EPHA6: variants seen among roughly 807,000 people sequenced by gnomAD.
EPHA6 encodes the protein ephrin type-A receptor 6.
EPHA6 carries 50 observed loss-of-function variants against 112.0 expected under a neutral mutation model. The observed-to-expected ratio is 0.45, with a 90% CI of 0.36 to 0.56. EPHA6 has a LOEUF of 0.56. Ranked by LOEUF, EPHA6 falls within the 20% of genes least tolerant of loss-of-function variation. The probability of loss-of-function intolerance (pLI) is 0.00; values close to 1 mark genes in which losing one functional copy is unlikely to be tolerated. For synonymous variants in EPHA6, 529 were observed against 490.7 expected (o/e 1.08, Z -1.03); for missense variants, 1,280 against 1,417.4 (o/e 0.90, Z 1.56).
intron 14 of EPHA6, among the ~76,000 whole-genome samples, chr3:97,670,532 T>C (rs934090486): frequency 1.3e-5 from 2 of 152,220 alleles, no homozygotes; most frequent in Non-Finnish European, 2.9e-5. Flanking sequence ...GTTGAATTTA[T>C]GCAATAGAAC....
Position 96,934,180 on chromosome 3 carries a change from G to T in EPHA6, c.451-53150G>T, listed in dbSNP as rs142105198. Among the ~76,000 whole-genome samples the T allele has an allele frequency of 7.2e-3, 1,089 of 152,002 alleles. 11 individuals are homozygous for T. The highest frequency in any genetic ancestry group is 0.025 in the African/African-American group (1,021 of 41,534). On this transcript the variant is annotated intron_variant, in intron 2 of 17. Coordinates refer to ENST00000389672, the MANE Select transcript of EPHA6 (RefSeq NM_001080448.3). Reference sequence around the variant, plus strand: ...TTACACATACTTAAGCCACAAAGAAGGGTGTTTATAAATAGAATACTTCAC... The same window carrying T: ...TTACACATACTTAAGCCACAAAGAATGGTGTTTATAAATAGAATACTTCAC...
intron 3 of EPHA6, among the ~76,000 whole-genome samples, chr3:96,992,490 G>A (rs1422708700): frequency 1.3e-5 from 2 of 152,176 alleles, no homozygotes; most frequent in African/African-American, 2.4e-5. Context: ...TAACAGAGCT[G>A]CATGTCTAAG....
intron 14 of EPHA6, among the ~76,000 whole-genome samples, chr3:97,664,833 A>G (rs2094194578): frequency 6.6e-6 from 1 of 152,118 alleles, no homozygotes; most frequent in Admixed American, 6.5e-5. Flanking sequence ...GATACAAACA[A>G]AAAGAACATT....
chr3:96,866,035 T>TA (rs900077532), intron 1 of EPHA6, among the ~76,000 whole-genome samples: 13 of 151,512 alleles, frequency 8.6e-5, no homozygotes, highest in Admixed American at 5.9e-4. Flanking sequence ...TATTCTAAAA[T>TA]AAAAAAAAAT....
intron 3 of EPHA6, among the ~76,000 whole-genome samples, chr3:97,045,813 C>T (rs909399820): frequency 6.6e-6 from 1 of 151,988 alleles, no homozygotes; most frequent in African/African-American, 2.4e-5. Context: ...ATGGTGGGTA[C>T]ATATGTAGGT....
At chr3:97,174,767 GT>G (rs1189786082) in intron 3 of EPHA6, among the ~76,000 whole-genome samples, 1 of 151,824 alleles carries the variant, frequency 6.6e-6, no homozygotes, top group Non-Finnish European at 1.5e-5. Flanking sequence ...CCATAGAGTT[GT>G]TTAAGCTCTT....
chr3:97,066,669 T>G (rs928093424), intron 3 of EPHA6, among the ~76,000 whole-genome samples: 1 of 152,296 alleles, frequency 6.6e-6, no homozygotes, highest in Admixed American at 6.5e-5. Flanking sequence ...GCAGCCTCAC[T>G]GGAGTCTTCT....
At chr3:97,424,050 A>G (rs934537865) in intron 6 of EPHA6, among the ~76,000 whole-genome samples, 4 of 152,246 alleles carry the variant, frequency 2.6e-5, no homozygotes, top group African/African-American at 7.2e-5. Context: ...AAGAGGTTTA[A>G]TGGACTCACA....
At chr3:97,005,106 G>A (rs2107919209) in intron 3 of EPHA6, among the ~76,000 whole-genome samples, 1 of 152,240 alleles carries the variant, frequency 6.6e-6, no homozygotes, top group African/African-American at 2.4e-5. Flanking sequence ...GATCTTCTTT[G>A]ATTCCATATG....
intron 5 of EPHA6, among the ~76,000 whole-genome samples, chr3:97,276,240 G>T (rs891629479): frequency 6.6e-6 from 1 of 152,196 alleles, no homozygotes; most frequent in Non-Finnish European, 1.5e-5. Context: ...GGCAGTGTCA[G>T]TCTTCAGCCT....
At chr3:96,995,253 A>G (rs1294890432) in intron 3 of EPHA6, among the ~76,000 whole-genome samples, 2 of 152,140 alleles carry the variant, frequency 1.3e-5, no homozygotes. Flanking sequence ...ATAAAGAAAT[A>G]TGAGATACCA....
At chr3:97,528,189 C>T (rs2092649403) in intron 10 of EPHA6, among the ~76,000 whole-genome samples, 1 of 152,126 alleles carries the variant, frequency 6.6e-6, no homozygotes, top group Non-Finnish European at 1.5e-5. Flanking sequence ...TACTTTGTCT[C>T]ATTTTATCAT....
intron 3 of EPHA6, among the ~76,000 whole-genome samples, chr3:97,207,672 A>C (rs1223206487): frequency 2.0e-5 from 3 of 152,196 alleles, no homozygotes; most frequent in Admixed American, 6.5e-5. Context: ...ACATGGATGA[A>C]CATGTGTAAA....
At chr3:97,745,482 G>A in intron 16 of EPHA6, 1 of 405,726 alleles carries the variant, frequency 2.5e-6, no homozygotes, top group East Asian at 7.5e-5. Context: ...AAATGCAATA[G>A]AATTGAGTAG....
chr3:97,289,157 G>A lies in EPHA6; in HGVS notation c.1606+44870G>A, dbSNP rs994372392. 5.3e-5 allele frequency among the ~76,000 whole-genome samples: 8 copies of A among 151,990 alleles called. No individual in the cohort carries two copies. The East Asian group carries it at 9.7e-4, about 18-fold the overall frequency. On this transcript the variant is annotated intron_variant, in intron 5 of 17. Transcript: ENST00000389672. ...GACTTAGTCATAATTTCTTTCCCAA[G>A]GCCAATGTCCAGAATGGCATTTCCT...
In EPHA6 at chr3:97,753,023, C is replaced by T. The variant is rs2035938425; in HGVS notation, c.*4322C>T. ...GAAGACTCCAAAAGGTAGAGGAGTA[C>T]ACTGGGTTAAATGGATGGTATTCTT... On this transcript the variant is annotated 3_prime_UTR_variant, in exon 18 of 18. Coordinates refer to ENST00000389672, the MANE Select transcript of EPHA6 (RefSeq NM_001080448.3). Among the ~76,000 whole-genome samples, 1 of 152,020 alleles carries T rather than the reference C, an allele frequency of 6.6e-6. No individual in the cohort carries two copies. The highest frequency in any genetic ancestry group is 1.5e-5 in the Non-Finnish European group (1 of 67,982).
At chr3:97,668,419 T>A (rs2030389771) in intron 14 of EPHA6, among the ~76,000 whole-genome samples, 1 of 152,150 alleles carries the variant, frequency 6.6e-6, no homozygotes, top group Non-Finnish European at 1.5e-5. Context: ...AATCCTCAGA[T>A]TCACTGCTTG....
chr3:97,684,077 C>T lies in EPHA6; in HGVS notation c.2785-36184C>T, dbSNP rs145603896. Among the ~76,000 whole-genome samples, 550 of 152,202 alleles carry T rather than the reference C, an allele frequency of 3.6e-3. 1 individual carries two copies. Among genetic ancestry groups the T allele is most frequent in the Non-Finnish European group, 4.9e-3 (330 of 68,008 alleles). On this transcript the variant is annotated intron_variant, in intron 14 of 17. Transcript: ENST00000389672. ...TGGATATTAAACAGTAACTGCTACT[C>T]CCTTTAGGTACTGCTTGTTATATAC...
chr3:97,178,836 A>T (rs548401636), intron 3 of EPHA6, among the ~76,000 whole-genome samples: 2 of 152,146 alleles, frequency 1.3e-5, no homozygotes, highest in Non-Finnish European at 1.5e-5. Flanking sequence ...CTTTGGGTTA[A>T]ATCTGCTTTG....
Sources: gnomAD v4.1 joint callset for allele counts (sites outside exome capture counted in the v4.1 genomes callset) on GRCh38, gnomAD v4.1.1 for gene constraint, MANE v1.5 for transcripts, NCBI Gene and HGNC (gene_info 2026-07-23, HGNC 2026-07-21) for gene names.